LRMDA: variants seen among roughly 807,000 people sequenced by gnomAD.
The protein encoded by LRMDA is leucine rich melanocyte differentiation associated, also known as leucine-rich melanocyte differentiation-associated protein.
A neutral mutation model predicts 29.8 loss-of-function variants in LRMDA; 18 were observed. The ratio of observed to expected loss-of-function variants is 0.60; its 90% CI spans 0.42 to 0.90. The LOEUF (loss-of-function observed/expected upper bound fraction) is 0.90. LRMDA is among the 40% of genes least tolerant of loss of function. The pLI is 0.00. For synonymous variants in LRMDA, 125 were observed against 109.4 expected, an observed-to-expected ratio of 1.14 and a Z score of -0.89; for missense variants, 273 against 273.9, an observed-to-expected ratio of 1.00 and a Z score of 0.02.
At chr10:76,451,927 G>T (rs976679048) in intron 6 of LRMDA, among the ~76,000 whole-genome samples, 1 of 152,198 alleles carries the variant, frequency 6.6e-6, no homozygotes, top group Non-Finnish European at 1.5e-5. Flanking sequence ...AAAATGCTGG[G>T]ATTACAGGCG....
intron 5 of LRMDA, among the ~76,000 whole-genome samples, chr10:76,165,844 A>T (rs530969550): frequency 3.9e-4 from 59 of 152,256 alleles, no homozygotes; most frequent in African/African-American, 1.4e-3. Flanking sequence ...GGGAGCTACA[A>T]TTCAAGATGA....
rs554118019 is a variant in LRMDA at position 75,641,568 on chromosome 10, A to G, written c.131+203074A>G. Among the ~76,000 whole-genome samples the G allele has an allele frequency of 2.1e-4, 32 of 152,160 alleles. No individual in the cohort carries two copies. The South Asian group carries it at 6.7e-3, about 32-fold the overall frequency. ...GCTGGAGTGCAGTGGTGCAATCACA[A>G]CTCAATGCAGCCTCGACCTCCTGAG... On this transcript the variant is annotated intron_variant, in intron 2 of 6. Transcript: ENST00000611255.
chr10:75,448,752 TTGA>T (rs1844422315), intron 2 of LRMDA, among the ~76,000 whole-genome samples: 1 of 152,208 alleles, frequency 6.6e-6, no homozygotes, highest in Non-Finnish European at 1.5e-5. Context: ...AATGGTTCTC[TTGA>T]TGAGCTTCAT....
intron 2 of LRMDA, among the ~76,000 whole-genome samples, chr10:76,012,046 G>A (rs1847792025): frequency 6.6e-6 from 1 of 152,184 alleles, no homozygotes; most frequent in African/African-American, 2.4e-5. Context: ...TAGGGTTAGG[G>A]GCAGGGTCTG....
intron 6 of LRMDA, among the ~76,000 whole-genome samples, chr10:76,417,813 G>T (rs951931370): frequency 3.3e-5 from 5 of 152,102 alleles, no homozygotes; most frequent in Non-Finnish European, 7.4e-5. Context: ...TAGAAGTGTT[G>T]TATTTTACAT....
chr10:76,160,374 A>G (rs934863605), intron 5 of LRMDA, among the ~76,000 whole-genome samples: 15 of 152,078 alleles, frequency 9.9e-5, no homozygotes, highest in African/African-American at 2.9e-4. Flanking sequence ...GAAATCTGAC[A>G]CTGACTGGAT....
chr10:75,927,224 C>G (rs564018662), intron 2 of LRMDA, among the ~76,000 whole-genome samples: 1 of 152,266 alleles, frequency 6.6e-6, no homozygotes, highest in East Asian at 1.9e-4. Flanking sequence ...TAAGATGAGC[C>G]AAATGTGTTT....
chr10:76,047,624 T>A (rs1312436688), intron 4 of LRMDA, among the ~76,000 whole-genome samples: 1 of 152,232 alleles, frequency 6.6e-6, no homozygotes, highest in Non-Finnish European at 1.5e-5. Context: ...TAGTCATACA[T>A]AATTTGTGAA....
chr10:75,664,889 C>A (rs528395168), intron 2 of LRMDA, among the ~76,000 whole-genome samples: 1 of 152,228 alleles, frequency 6.6e-6, no homozygotes, highest in African/African-American at 2.4e-5. Context: ...GATAAAGGAA[C>A]CACTAGAAGA....
At chr10:75,568,647 G>GAGA (rs1295270883) in intron 2 of LRMDA, among the ~76,000 whole-genome samples, 2 of 152,194 alleles carry the variant, frequency 1.3e-5, no homozygotes, top group African/African-American at 4.8e-5. Flanking sequence ...GAAGAGGAGG[G>GAGA]AGAAGTAGGA....
chr10:76,307,012 G>T (rs1840564586), intron 5 of LRMDA, among the ~76,000 whole-genome samples: 4 of 152,166 alleles, frequency 2.6e-5, no homozygotes, highest in Admixed American at 2.6e-4. Flanking sequence ...GAAGCCTGGG[G>T]TGTCATCATT....
At chr10:75,684,115 A>T (rs1476092521) in intron 2 of LRMDA, among the ~76,000 whole-genome samples, 1 of 152,224 alleles carries the variant, frequency 6.6e-6, no homozygotes, top group African/African-American at 2.4e-5. Flanking sequence ...TTTGTTGGGT[A>T]AAGATAAATT....
chr10:76,129,468 T>G (rs750938411), intron 5 of LRMDA, among the ~76,000 whole-genome samples: 1 of 152,204 alleles, frequency 6.6e-6, no homozygotes, highest in Non-Finnish European at 1.5e-5. Flanking sequence ...AATAGACCTT[T>G]AGTGTGGACA....
intron 2 of LRMDA, among the ~76,000 whole-genome samples, chr10:75,537,459 C>T (rs376388540): frequency 4.6e-5 from 7 of 152,194 alleles, no homozygotes; most frequent in African/African-American, 1.7e-4. Flanking sequence ...GATGTACCTA[C>T]ATCCCTGACT....
In LRMDA at chr10:75,438,253, C is replaced by T. The variant is rs1235932433; in HGVS notation, c.31-141C>T. On this transcript the variant is annotated intron_variant, in intron 1 of 6. Coordinates refer to ENST00000611255, the MANE Select transcript of LRMDA (RefSeq NM_001305581.2). ...CCCAAAGCTGATTTGATCAGGGAAA[C>T]AGTCACAAGTGTGGCCTTTTTGTGT... 8.7e-6 allele frequency: 6 copies of T among 685,862 alleles called. No homozygotes were observed. In the South Asian group the frequency reaches 9.0e-5, roughly 10 times the overall value. 42.5% of individuals were successfully genotyped at this position (685,862 alleles called of 1,614,324 possible).
At chr10:76,516,348 TTTA>T (rs142275974) in intron 6 of LRMDA, among the ~76,000 whole-genome samples, 57,072 of 151,708 alleles carry the variant, frequency 0.38, 11,436 homozygotes, top group Middle Eastern at 0.54. Flanking sequence ...TTAAAATTAT[TTTA>T]TTATTATTAT....
chr10:76,229,691 C>T (rs1852024347), intron 5 of LRMDA, among the ~76,000 whole-genome samples: 1 of 152,080 alleles, frequency 6.6e-6, no homozygotes, highest in Non-Finnish European at 1.5e-5. Flanking sequence ...AGCATATCAA[C>T]ACCCCCACAC....
chr10:76,352,754 TA>T (rs1159028740), intron 6 of LRMDA, among the ~76,000 whole-genome samples: 2 of 152,098 alleles, frequency 1.3e-5, no homozygotes, highest in African/African-American at 4.8e-5. Flanking sequence ...ATTTTTGTCT[TA>T]AAAAATATAT....
At chr10:76,030,045 A>C (rs1029828392) in intron 2 of LRMDA, among the ~76,000 whole-genome samples, 7 of 152,104 alleles carry the variant, frequency 4.6e-5, no homozygotes, top group Non-Finnish European at 8.8e-5. Flanking sequence ...ACAGGCTCAC[A>C]CCATCATGCC....
Sources: gnomAD v4.1 joint callset for allele counts (sites outside exome capture counted in the v4.1 genomes callset) on GRCh38, gnomAD v4.1.1 for gene constraint, MANE v1.5 for transcripts, NCBI Gene and HGNC (gene_info 2026-07-23, HGNC 2026-07-21) for gene names.